The following PDE7A variants were observed in gnomAD, a reference collection of about 807,000 sequenced individuals.
PDE7A encodes high affinity 3',5'-cyclic-AMP phosphodiesterase 7A.
In PDE7A, 39 loss-of-function variants were observed where a neutral mutation model predicts 64.3. The observed-to-expected ratio is 0.61, with a 90% confidence interval of 0.47 to 0.79. The LOEUF is 0.79. Ranked by LOEUF, PDE7A falls within the 30% of genes least tolerant of loss-of-function variation. The probability of loss-of-function intolerance (pLI) is 0.00; values close to 1 mark genes in which losing one functional copy is unlikely to be tolerated. For synonymous variants in PDE7A, 203 were observed against 206.8 expected, an observed-to-expected ratio of 0.98 and a Z score of 0.16; for missense variants, 470 against 582.8, an observed-to-expected ratio of 0.81 and a Z score of 1.99.
chr8:65,729,898 T>A (rs1241167235), intron 7 of PDE7A, among the ~76,000 whole-genome samples: 1 of 151,950 alleles, frequency 6.6e-6, no homozygotes, highest in Non-Finnish European at 1.5e-5. Context: ...ACACATTATG[T>A]CCATCCTGAG....
rs186433704 is a variant in PDE7A at position 65,717,623 on chromosome 8, G to C, written c.*1667C>G. On this transcript the variant is annotated 3_prime_UTR_variant, in exon 13 of 13. Transcript: ENST00000401827. The stretch of plus-strand genomic sequence containing the variant: ...CCAAGAAGCTAACTTTGATTTCCTT[G>C]TAATTTAGCATTGTGTTTTCCAAAA... 2 of 152,300 alleles carry C rather than the reference G, an allele frequency of 1.3e-5. No individual in the cohort carries two copies. The highest frequency in any genetic ancestry group is 1.9e-4 in the East Asian group (1 of 5,190). The allele number at this position is 152,300 out of a possible 1,614,324, so 9.4% of individuals were successfully genotyped here.
In PDE7A at chr8:65,727,180, G is replaced by T; in HGVS notation, c.818C>A (p.Thr273Asn). Residue 273 changes from threonine to asparagine, a missense_variant, in exon 8 of 13, where the codon ACT becomes AAT. By Grantham distance (65) the Thr-to-Asn change is moderately conservative. Transcript: ENST00000401827. The stretch of plus-strand genomic sequence containing the variant: ...TAAAATTGCACTAACCTTGTATAAA[G>T]TTGCCAAGTAATGGTTAGTTTTAAT... ...FLIKTNHYLA[T>N]LYKNTSVLEN... The T allele has an allele frequency of 5.0e-6, 8 of 1,587,708 alleles. No homozygotes were observed. Among genetic ancestry groups the T allele is most frequent in the Non-Finnish European group, 6.9e-6 (8 of 1,156,540 alleles).
intron 1 of PDE7A, among the ~76,000 whole-genome samples, chr8:65,785,467 T>C (rs974142059): frequency 6.6e-6 from 1 of 152,088 alleles, no homozygotes; most frequent in Non-Finnish European, 1.5e-5. Context: ...TAATAGAATA[T>C]CCTAAGGAAG....
intron 1 of PDE7A, among the ~76,000 whole-genome samples, chr8:65,787,092 T>C (rs1809579048): frequency 6.6e-6 from 1 of 152,226 alleles, no homozygotes; most frequent in Admixed American, 6.5e-5. Context: ...CCAGCAAAGA[T>C]ATTTTAAGTG....
intron 1 of PDE7A, among the ~76,000 whole-genome samples, chr8:65,834,768 C>T (rs1021844006): frequency 6.6e-6 from 1 of 152,118 alleles, no homozygotes; most frequent in Non-Finnish European, 1.5e-5. Context: ...GAGCAGTGTT[C>T]CAAAATTGCT....
intron 1 of PDE7A, among the ~76,000 whole-genome samples, chr8:65,830,850 AAT>A (rs1478522103): frequency 6.6e-6 from 1 of 152,148 alleles, no homozygotes; most frequent in African/African-American, 2.4e-5. Flanking sequence ...GTTGCAGAAA[AAT>A]ATAACATGAT....
At chr8:65,724,137 AC>A in intron 11 of PDE7A, 117 bp downstream of exon 11, 1 of 612,168 alleles carries the variant, frequency 1.6e-6, no homozygotes. Flanking sequence ...GTGAATTGTT[AC>A]TAAAAATGTC....
At chr8:65,755,603 A>G (rs1415913942) in intron 3 of PDE7A, among the ~76,000 whole-genome samples, 1 of 152,246 alleles carries the variant, frequency 6.6e-6, no homozygotes, top group Non-Finnish European at 1.5e-5. Flanking sequence ...CACAGACATA[A>G]TTATTGTTAC....
chr8:65,773,852 T>G (rs2063685), intron 3 of PDE7A, among the ~76,000 whole-genome samples: 1 of 151,954 alleles, frequency 6.6e-6, no homozygotes, highest in Non-Finnish European at 1.5e-5. Flanking sequence ...CTAACAGTTA[T>G]ATTTTTCGAA....
At chr8:65,824,933 TAACA>T (rs1381314012) in intron 1 of PDE7A, among the ~76,000 whole-genome samples, 6 of 152,114 alleles carry the variant, frequency 3.9e-5, no homozygotes, top group Non-Finnish European at 7.4e-5. Flanking sequence ...AGGTAATTAA[TAACA>T]AACATATATT....
intron 7 of PDE7A, among the ~76,000 whole-genome samples, chr8:65,734,133 T>C (rs1006521844): frequency 2.6e-5 from 4 of 152,142 alleles, no homozygotes; most frequent in Non-Finnish European, 5.9e-5. Context: ...AAAATGGTGC[T>C]CACTGTCTCT....
At chr8:65,736,419 C>CAGTA (rs1225298438) in intron 6 of PDE7A, among the ~76,000 whole-genome samples, 1 of 152,150 alleles carries the variant, frequency 6.6e-6, no homozygotes, top group African/African-American at 2.4e-5. Flanking sequence ...GACTACTGTA[C>CAGTA]AGTATTTCAG....
intron 1 of PDE7A, among the ~76,000 whole-genome samples, chr8:65,806,902 G>A (rs1464528335): frequency 6.6e-6 from 1 of 152,190 alleles, no homozygotes; most frequent in Non-Finnish European, 1.5e-5. Context: ...TGATCTATGT[G>A]TCTAAGCTTA....
intron 1 of PDE7A, among the ~76,000 whole-genome samples, chr8:65,831,225 T>C (rs1246811747): frequency 1.3e-5 from 2 of 152,180 alleles, no homozygotes; most frequent in South Asian, 2.1e-4. Context: ...CTAACCTTTC[T>C]ACTGGACATC....
intron 3 of PDE7A, chr8:65,770,879 G>A (rs1228862742): frequency 6.1e-6 from 1 of 163,298 alleles, no homozygotes; most frequent in Non-Finnish European, 1.4e-5. Flanking sequence ...GTTTAGCATT[G>A]TTTCTTGTGT....
At chr8:65,793,839 G>C (rs1427726883) in intron 1 of PDE7A, among the ~76,000 whole-genome samples, 2 of 152,140 alleles carry the variant, frequency 1.3e-5, no homozygotes, top group African/African-American at 4.8e-5. Flanking sequence ...GTAGGACCAG[G>C]AGCACAAGTT....
At chr8:65,767,395 T>C (rs1395581292) in intron 3 of PDE7A, among the ~76,000 whole-genome samples, 1 of 151,974 alleles carries the variant, frequency 6.6e-6, no homozygotes, top group Non-Finnish European at 1.5e-5. Context: ...CTAATGGGAG[T>C]GTAGTATTAT....
chr8:65,748,687 T>A (rs2128907302), intron 3 of PDE7A, among the ~76,000 whole-genome samples: 1 of 152,270 alleles, frequency 6.6e-6, no homozygotes, highest in Non-Finnish European at 1.5e-5. Context: ...TGGAAGGTAA[T>A]CAAACATATT....
intron 1 of PDE7A, among the ~76,000 whole-genome samples, chr8:65,826,226 A>G (rs1810670672): frequency 6.6e-6 from 1 of 152,252 alleles, no homozygotes; most frequent in Non-Finnish European, 1.5e-5. Flanking sequence ...ATGAGAACAC[A>G]CTGATGTTTT....
Sources: allele counts gnomAD v4.1 joint callset (sites outside exome capture counted in the v4.1 genomes callset), GRCh38; gene constraint gnomAD v4.1.1; transcripts MANE v1.5; gene names NCBI Gene and HGNC (gene_info 2026-07-23, HGNC 2026-07-21).